ATG16L1: variants seen among roughly 807,000 people sequenced by gnomAD.
ATG16L1 encodes the protein autophagy-related protein 16-1.
Under a neutral mutation model 88.5 loss-of-function variants are expected in ATG16L1, and 37 were observed. The ratio of observed to expected loss-of-function variants is 0.42; its 90% CI spans 0.32 to 0.55. ATG16L1 has a LOEUF of 0.55. Among genes scored for constraint, ATG16L1 ranks in the 20% least tolerant of loss-of-function variants. The probability of loss-of-function intolerance (pLI) is 0.13; values close to 1 mark genes in which losing one functional copy is unlikely to be tolerated. For missense variants in ATG16L1, 554 were observed against 752.8 expected (o/e 0.74, Z 3.09); for synonymous variants, 301 against 281.0 (o/e 1.07, Z -0.71).
At chr2:233,284,792 A>G (rs1370473912) in intron 12 of ATG16L1, among the ~76,000 whole-genome samples, 1 of 152,172 alleles carries the variant, frequency 6.6e-6, no homozygotes, top group Non-Finnish European at 1.5e-5. Flanking sequence ...TTAAATCTAC[A>G]AGGGAGGTGG....
chr2:233,286,817 A>G (rs1336324012), intron 12 of ATG16L1, among the ~76,000 whole-genome samples: 1 of 151,350 alleles, frequency 6.6e-6, no homozygotes, highest in Non-Finnish European at 1.5e-5. Flanking sequence ...AGTAGAGACG[A>G]GATTTCACCG....
Position 233,273,747 on chromosome 2 carries a change from G to A in ATG16L1, c.821G>A (p.Gly274Asp). 1.2e-6 allele frequency: 2 copies of A among 1,614,188 alleles called. No homozygotes were observed. Among genetic ancestry groups the A allele is most frequent in the Non-Finnish European group, 8.5e-7 (1 of 1,180,030 alleles). The change falls in exon 8 of 18, where the codon GGC becomes GAC. Residue 274 changes from glycine (G) to aspartate (D), a missense_variant. Physicochemically the swap from Gly to Asp is moderately conservative, Grantham distance 94. Coordinates refer to ENST00000392017, the MANE Select transcript of ATG16L1 (RefSeq NM_030803.7). ...ATKRLSQPAG[G>D]LLDSITNIFG... ...AAGCGACTCTCGCAGCCTGCTGGAG[G>A]CCTTCTGGATTCTATCACTAATATC...
intron 9 of ATG16L1, chr2:233,275,846 A>G (rs761061151): frequency 9.6e-6 from 5 of 519,222 alleles, no homozygotes; most frequent in Non-Finnish European, 1.5e-5. Context: ...GTATGGGATC[A>G]TGGAGCAGCT....
intron 5 of ATG16L1, among the ~76,000 whole-genome samples, chr2:233,266,384 A>G (rs1477727356): frequency 6.6e-6 from 1 of 152,160 alleles, no homozygotes; most frequent in African/African-American, 2.4e-5. Flanking sequence ...GCTTGAGCCC[A>G]GTAGGTTAAA....
chr2:233,279,742 G>A (rs1196523922), intron 10 of ATG16L1, among the ~76,000 whole-genome samples: 2 of 152,092 alleles, frequency 1.3e-5, no homozygotes, highest in Non-Finnish European at 2.9e-5. Flanking sequence ...AAATGCTGTT[G>A]ACATAGCACC....
rs764403791 is a variant in ATG16L1 at position 233,281,159 on chromosome 2, T to C, written c.1115T>C (p.Ile372Thr). Residue 372 changes from isoleucine (I) to threonine (T), a missense_variant, in exon 11 of 18, where the codon ATT becomes ACT. By Grantham distance (89) the Ile-to-Thr change is moderately conservative (BLOSUM62 -1). Coordinates refer to ENST00000392017, the MANE Select transcript of ATG16L1 (RefSeq NM_030803.7). ...LSGSNAGITSIEFDSAGSYLL... is the reference protein window; with the variant it reads ...LSGSNAGITSTEFDSAGSYLL... Reference sequence around the variant, plus strand: ...GGCAGTAATGCAGGAATTACAAGCATTGAATTTGATAGTGCTGTAAGTATT... The same window carrying C: ...GGCAGTAATGCAGGAATTACAAGCACTGAATTTGATAGTGCTGTAAGTATT... 1 of 1,602,662 alleles carries C rather than the reference T, an allele frequency of 6.2e-7. No individual in the cohort carries two copies. The highest frequency in any genetic ancestry group is 8.5e-7 in the Non-Finnish European group (1 of 1,176,294).
rs758931313 is a variant in ATG16L1 at position 233,264,031 on chromosome 2, C to T, written c.355C>T (p.Arg119Trp). Residue 119 changes from arginine (R) to tryptophan (W), a missense_variant, in exon 4 of 18, where the codon CGG becomes TGG. By Grantham distance (101) the Arg-to-Trp change is moderately radical. This residue lies in a region of ATG16L1 where 50 missense variants were observed against 49.4 expected (regional missense o/e 1.01). Coordinates refer to ENST00000392017, the MANE Select transcript of ATG16L1 (RefSeq NM_030803.7). ...GATTGACCTGAATAACCAAATGCAGCGGAAGGACAGGGAGATGCAGATGAA... is the reference window on the plus strand; with the variant it reads ...GATTGACCTGAATAACCAAATGCAGTGGAAGGACAGGGAGATGCAGATGAA... ...LVIDLNNQMQRKDREMQMNEA... is the reference protein window; with the variant it reads ...LVIDLNNQMQWKDREMQMNEA... The T allele has an allele frequency of 1.1e-5, 17 of 1,613,852 alleles. No homozygotes were observed. Among genetic ancestry groups the T allele is most frequent in the African/African-American group, 8.0e-5 (6 of 74,906 alleles).
chr2:233,272,919 A>T (rs1255805986), intron 6 of ATG16L1, 47 bp from the exon 7 acceptor site: 1 of 1,541,148 alleles, frequency 6.5e-7, no homozygotes, highest in East Asian at 2.2e-5. Flanking sequence ...CCGATTAATC[A>T]CAGAACTGTT....
chr2:233,277,778 C>A, intron 10 of ATG16L1, 105 bp downstream of exon 10: 1 of 952,556 alleles, frequency 1.0e-6, no homozygotes, highest in Non-Finnish European at 1.7e-6. Flanking sequence ...TGCTTTCAGG[C>A]ACTGTGAATT....
intron 14 of ATG16L1, among the ~76,000 whole-genome samples, chr2:233,291,270 T>C (rs1046745437): frequency 2.6e-5 from 4 of 152,202 alleles, no homozygotes; most frequent in African/African-American, 9.7e-5. Context: ...CCACTTCACA[T>C]TTTATTCATA....
At chr2:233,291,342 T>C (rs1464326110) in intron 14 of ATG16L1, among the ~76,000 whole-genome samples, 1 of 152,246 alleles carries the variant, frequency 6.6e-6, no homozygotes, top group Non-Finnish European at 1.5e-5. Flanking sequence ...GAGAGTTAAG[T>C]TGGATGTTCG....
chr2:233,293,346 A>C lies in ATG16L1; in HGVS notation c.1719A>C (p.Ser573=). The change falls in exon 17 of 18, where the codon TCA becomes TCC. Residue 573 remains serine (S), a synonymous_variant. Transcript: ENST00000392017. The part of the protein sequence containing the change: ...VLTGKVEKVL[S]KQHSSSINAV... ...CAGGGAAAGTGGAAAAGGTTCTTTC[A>C]AAGCAGCACAGGTAAGATGAACCCT... is the stretch of plus-strand genomic sequence containing the variant. 1 of 1,613,968 alleles carries C rather than the reference A, an allele frequency of 6.2e-7. No individual in the cohort carries two copies. Among genetic ancestry groups the C allele is most frequent in the Non-Finnish European group, 8.5e-7 (1 of 1,179,952 alleles).
chr2:233,254,013 A>G (rs540730785), intron 1 of ATG16L1, among the ~76,000 whole-genome samples: 5 of 152,218 alleles, frequency 3.3e-5, no homozygotes, highest in African/African-American at 7.2e-5. Flanking sequence ...TGCCTCATCT[A>G]TAAAATGGGG....
intron 3 of ATG16L1, 81 bp downstream of exon 3, chr2:233,263,316 A>C (rs1574852276): frequency 7.7e-7 from 1 of 1,294,548 alleles, no homozygotes; most frequent in South Asian, 1.3e-5. Flanking sequence ...GTCACTTCTC[A>C]CCAGAATTGG....
intron 2 of ATG16L1, among the ~76,000 whole-genome samples, chr2:233,262,540 C>T (rs992061962): frequency 6.6e-6 from 1 of 152,236 alleles, no homozygotes; most frequent in African/African-American, 2.4e-5. Context: ...ACCTGCTGTA[C>T]ACCTCTCCAG....
At chr2:233,290,865 G>A (rs565630510) in intron 14 of ATG16L1, among the ~76,000 whole-genome samples, 1 of 152,318 alleles carries the variant, frequency 6.6e-6, no homozygotes, top group African/African-American at 2.4e-5. Flanking sequence ...GTTGAAATCA[G>A]GTTGCCACAG....
chr2:233,294,516 T>C lies in ATG16L1; in HGVS notation c.*166T>C. On this transcript the variant is annotated 3_prime_UTR_variant, in exon 18 of 18. Transcript: ENST00000392017. ...TGCCGTGAATGGGATTTCTGAAGAT[T>C]TGACTGAGGTCTCTCTTGGCCTGGA... 1.9e-6 allele frequency: 1 copy of C among 529,492 alleles called. No homozygotes were observed. Among genetic ancestry groups the C allele is most frequent in the Non-Finnish European group, 3.3e-6 (1 of 299,008 alleles). The allele number at this position is 529,492 out of a possible 1,614,324, so 32.8% of individuals were successfully genotyped here.
rs757644018 is a variant in ATG16L1 at position 233,274,797 on chromosome 2, C to T, written c.954+19C>T. 2.5e-6 allele frequency: 4 copies of T among 1,572,344 alleles called. No individual in the cohort carries two copies. Among genetic ancestry groups the T allele is most frequent in the Non-Finnish European group, 3.5e-6 (4 of 1,142,826 alleles). On this transcript the variant is annotated intron_variant, in intron 9 of 17. Coordinates refer to ENST00000392017, the MANE Select transcript of ATG16L1 (RefSeq NM_030803.7). ...TGTCTTCGTAAGTATGCTTCAGCCC[C>T]GAACCCTACCACGCTTGATATGGTG...
At position 233,282,775 on chromosome 2, in the gene ATG16L1, T is replaced by C. The variant is rs202103264; in HGVS notation, c.1203+22T>C. On this transcript the variant is annotated intron_variant, in intron 12 of 17. Transcript: ENST00000392017. The stretch of plus-strand genomic sequence containing the variant: ...ACGGGTAAGACCCAGTTAAGAAAGT[T>C]AGTGCAATCTCCAAACTTCATGTGG... The C allele has an allele frequency of 3.2e-4, 516 of 1,607,856 alleles. 1 individual carries two copies. The South Asian group carries it at 5.5e-3, about 17-fold the overall frequency.
Sources: gnomAD v4.1 joint callset for allele counts (sites outside exome capture counted in the v4.1 genomes callset) on GRCh38, gnomAD v4.1.1 for gene constraint, gnomAD v4.1.1 regional missense constraint, MANE v1.5 for transcripts, NCBI Gene and HGNC (gene_info 2026-07-23, HGNC 2026-07-21) for gene names.